Variants in CLIP1 observed in about 807,000 individuals in gnomAD.
CLIP1 encodes CAP-Gly domain containing linker protein 1.
A neutral mutation model predicts 161.6 loss-of-function variants in CLIP1; 66 were observed. The observed-to-expected ratio is 0.41, with a 90% CI of 0.33 to 0.50. The LOEUF (loss-of-function observed/expected upper bound fraction) is 0.50, where lower values mean the gene tolerates loss of function less well. Ranked by LOEUF, CLIP1 falls within the 20% of genes least tolerant of loss-of-function variation. CLIP1 has a pLI of 0.27. For synonymous variants in CLIP1, 598 were observed against 626.2 expected (o/e 0.96, Z 0.67); for missense variants, 1,376 against 1,702.0 (o/e 0.81, Z 3.37).
At chr12:122,408,190 T>A (rs913302535) in intron 1 of CLIP1, among the ~76,000 whole-genome samples, 1 of 149,526 alleles carries the variant, frequency 6.7e-6, no homozygotes, top group Non-Finnish European at 1.5e-5. Context: ...GCTCACACCA[T>A]TGCACTCTGG....
At chr12:122,289,379 A>G (rs1455262660) in intron 20 of CLIP1, among the ~76,000 whole-genome samples, 1 of 151,756 alleles carries the variant, frequency 6.6e-6, no homozygotes, top group African/African-American at 2.4e-5. Flanking sequence ...AGATTGAACC[A>G]CTGCACTCCA....
At chr12:122,422,189 G>C (rs1476492301) in intron 1 of CLIP1, among the ~76,000 whole-genome samples, 2 of 152,240 alleles carry the variant, frequency 1.3e-5, no homozygotes, top group East Asian at 1.9e-4. Context: ...GGGCGCCAGG[G>C]AGAGAGCGGC....
At chr12:122,353,757 A>T (rs1320231706) in intron 7 of CLIP1, among the ~76,000 whole-genome samples, 1 of 151,910 alleles carries the variant, frequency 6.6e-6, no homozygotes, top group Non-Finnish European at 1.5e-5. Flanking sequence ...CAGCCTCCCA[A>T]GTAGCTGGGA....
intron 21 of CLIP1, among the ~76,000 whole-genome samples, chr12:122,282,748 C>A (rs1387669887): frequency 3.3e-5 from 5 of 151,338 alleles, no homozygotes; most frequent in Non-Finnish European, 7.4e-5. Context: ...ACAAAGGCAG[C>A]CAAAAAATAT....
chr12:122,273,649 GTTTT>G (rs374581908), intron 25 of CLIP1, among the ~76,000 whole-genome samples: 25 of 151,172 alleles, frequency 1.7e-4, no homozygotes, highest in Non-Finnish European at 3.0e-4. Context: ...CAAAACATTT[GTTTT>G]TTTTTGTTGC....
Position 122,377,376 on chromosome 12 carries a change from T to C in CLIP1, c.657+13A>G, listed in dbSNP as rs748840453. On this transcript the variant is annotated intron_variant, in intron 3 of 25. Coordinates refer to ENST00000620786, the MANE Select transcript of CLIP1 (RefSeq NM_001247997.2). ...AGTTCAATGAAATGACCTCAGAATG[T>C]TTCTCTACTCACCAATACTCTGTCT... 3.1e-6 allele frequency: 5 copies of C among 1,602,152 alleles called. No homozygotes were observed. Among genetic ancestry groups the C allele is most frequent in the South Asian group, 1.1e-5 (1 of 89,438 alleles).
At chr12:122,406,466 G>A (rs1173515678) in intron 1 of CLIP1, among the ~76,000 whole-genome samples, 1 of 152,138 alleles carries the variant, frequency 6.6e-6, no homozygotes, top group Non-Finnish European at 1.5e-5. Context: ...GGAGCTACAA[G>A]GAAGTTTTAT....
intron 24 of CLIP1, chr12:122,275,674 A>ACACACACACACACAC (rs1566065937): frequency 1.3e-5 from 2 of 150,238 alleles, no homozygotes; most frequent in African/African-American, 4.9e-5. Flanking sequence ...ACACACACAC[A>ACACACACACACACAC]AAATGCATAA....
chr12:122,277,336 GTTTTTTGTT>G (rs1240115075), intron 24 of CLIP1: 8 of 137,278 alleles, frequency 5.8e-5, no homozygotes, highest in East Asian at 2.2e-4. Context: ...CTGCAGGATT[GTTTTTTGTT>G]TTTTTTGTTT....
At chr12:122,313,913 T>C (rs1951162378) in intron 19 of CLIP1, among the ~76,000 whole-genome samples, 1 of 151,832 alleles carries the variant, frequency 6.6e-6, no homozygotes, top group African/African-American at 2.4e-5. Flanking sequence ...TCCCAGCACT[T>C]TGGGAGGTCA....
chr12:122,414,861 C>T (rs1432673151), intron 1 of CLIP1, among the ~76,000 whole-genome samples: 1 of 151,902 alleles, frequency 6.6e-6, no homozygotes, highest in African/African-American at 2.4e-5. Context: ...CTTTGAGTTC[C>T]GCCTATATGG....
chr12:122,343,611 C>G (rs999989314), intron 10 of CLIP1: 1 of 152,206 alleles, frequency 6.6e-6, no homozygotes, highest in African/African-American at 2.4e-5. Flanking sequence ...GCACATGAAT[C>G]ACCTGGAATG....
chr12:122,353,471 C>T (rs555198938), intron 7 of CLIP1, among the ~76,000 whole-genome samples: 5 of 152,056 alleles, frequency 3.3e-5, no homozygotes, highest in Non-Finnish European at 5.9e-5. Context: ...AAAAATTAGC[C>T]AGGCATGTTG....
intron 3 of CLIP1, chr12:122,364,748 G>A (rs975362700): frequency 6.9e-5 from 45 of 654,368 alleles, no homozygotes; most frequent in Non-Finnish European, 9.3e-5. Context: ...TTCGCCTTTC[G>A]GCCGGAACCG....
At chr12:122,278,428 C>G in intron 23 of CLIP1, 1 of 573,930 alleles carries the variant, frequency 1.7e-6, no homozygotes, top group South Asian at 2.3e-5. Context: ...CTCCCTCAGG[C>G]CTGCTAACTC....
At chr12:122,379,943 T>C (rs1232739164) in intron 2 of CLIP1, among the ~76,000 whole-genome samples, 5 of 70,398 alleles carry the variant, frequency 7.1e-5, no homozygotes, top group Non-Finnish European at 8.7e-5. Context: ...GACTCCATCT[T>C]TAAAAAAAAA....
Position 122,278,148 on chromosome 12 carries a change from C to T in CLIP1, c.3966+6G>A, listed in dbSNP as rs756245780. On this transcript the variant is annotated splice_donor_region_variant and intron_variant, in intron 24 of 25. Coordinates refer to ENST00000620786, the MANE Select transcript of CLIP1 (RefSeq NM_001247997.2). ...AGAAAGTAAAGCAATAAGGCAGGAACATTACCTGACTCTCCTGGGCTCTTT... is the reference window on the plus strand; with the variant it reads ...AGAAAGTAAAGCAATAAGGCAGGAATATTACCTGACTCTCCTGGGCTCTTT... 1 of 1,592,806 alleles carries T rather than the reference C, an allele frequency of 6.3e-7. No homozygotes were observed. Among genetic ancestry groups the T allele is most frequent in the Non-Finnish European group, 8.5e-7 (1 of 1,170,876 alleles).
intron 1 of CLIP1, among the ~76,000 whole-genome samples, chr12:122,392,568 GCA>G (rs1217718809): frequency 6.6e-6 from 1 of 152,018 alleles, no homozygotes; most frequent in Non-Finnish European, 1.5e-5. Flanking sequence ...TTCACGCAAA[GCA>G]CAGAGGGCAG....
intron 15 of CLIP1, among the ~76,000 whole-genome samples, chr12:122,330,542 G>T (rs1007786935): frequency 2.1e-5 from 3 of 145,240 alleles, no homozygotes; most frequent in African/African-American, 7.6e-5. Flanking sequence ...CCAGAATAAA[G>T]ACAAAAACAG....
Sources: gnomAD v4.1 joint callset for allele counts (sites outside exome capture counted in the v4.1 genomes callset) on GRCh38, gnomAD v4.1.1 for gene constraint, MANE v1.5 for transcripts, NCBI Gene and HGNC (gene_info 2026-07-23, HGNC 2026-07-21) for gene names.